RGS11: variants seen among roughly 807,000 people sequenced by gnomAD.
The protein encoded by RGS11 is regulator of G-protein signaling 11.
In RGS11, 86 loss-of-function variants were observed where a neutral mutation model predicts 71.1. The ratio of observed to expected loss-of-function variants is 1.21; its 90% confidence interval spans 1.02 to 1.45. RGS11 has a LOEUF of 1.45. RGS11 is among the 40% of genes most tolerant of loss of function. The probability of loss-of-function intolerance (pLI) is 0.00; values close to 1 mark genes in which losing one functional copy is unlikely to be tolerated. For missense variants in RGS11, 734 were observed against 635.1 expected (o/e 1.16, Z -1.67); for synonymous variants, 298 against 254.2 (o/e 1.17, Z -1.64).
At chr16:275,797 G>T (rs2052155731) in intron 1 of RGS11, 52 bp downstream of exon 1, 2 of 695,104 alleles carry the variant, frequency 2.9e-6, no homozygotes, top group East Asian at 5.3e-5. Context: ...GCCCCTCCCG[G>T]CCTCGGGCGC....
At chr16:272,818 G>A (rs534406252) in intron 9 of RGS11, 45 bp downstream of exon 9, 55 of 1,538,074 alleles carry the variant, frequency 3.6e-5, no homozygotes, top group East Asian at 2.9e-4. Context: ...GGGTGCAGCC[G>A]GTGTGCAGGG....
Position 271,259 on chromosome 16 carries a change from A to C in RGS11, c.806T>G (p.Leu269Arg). 6 of 1,612,948 alleles carry C rather than the reference A, an allele frequency of 3.7e-6. No individual in the cohort carries two copies. Among genetic ancestry groups the C allele is most frequent in the Non-Finnish European group, 5.1e-6 (6 of 1,179,984 alleles). Residue 269 changes from leucine (L) to arginine (R), a missense_variant, in exon 12 of 17, where the codon CTG becomes CGG. Physicochemically the swap from Leu to Arg is moderately radical, Grantham distance 102 (BLOSUM62 -2). Transcript: ENST00000397770. Reference sequence around the variant, plus strand: ...GTCTGAGATCCAGGGATTGCTGGGCAGGCACCCCGACACGAGGGGATCGTG... The same window carrying C: ...GTCTGAGATCCAGGGATTGCTGGGCCGGCACCCCGACACGAGGGGATCGTG... ...GPHDPLVSGC[L>R]PSNPWISDND...
chr16:275,354 TG>T, intron 2 of RGS11, 21 bp from the exon 3 acceptor site: 1 of 1,610,968 alleles, frequency 6.2e-7, no homozygotes, highest in Non-Finnish European at 8.5e-7. Flanking sequence ...GAGACAGAGG[TG>T]GAGGGAGGCC....
chr16:270,693 G>A, intron 14 of RGS11, 32 bp from the exon 15 acceptor site: 1 of 1,609,414 alleles, frequency 6.2e-7, no homozygotes, highest in Non-Finnish European at 8.5e-7. Flanking sequence ...GGTAGTCTCG[G>A]CTGGGTGCAC....
rs549618421 is a variant in RGS11, at chr16:274,303, C to CGTCT, written c.319-42_319-39dup. 1,259 of 1,587,032 alleles carry CGTCT rather than the reference C, an allele frequency of 7.9e-4. 16 individuals carry two copies. In the South Asian group the frequency reaches 0.012, roughly 16 times the overall value. ...AGGGAGAAGGTGTCCAGGACGCCTG[C>CGTCT]GTCTGTGCCTCCCCAGTGTCACCCC... On this transcript the variant is annotated intron_variant, in intron 4 of 16. Coordinates refer to ENST00000397770, the MANE Select transcript of RGS11 (RefSeq NM_183337.3).
In RGS11 at chr16:274,294, G is replaced by A. The variant is rs984401523; in HGVS notation, c.319-29C>T. On this transcript the variant is annotated intron_variant, in intron 4 of 16. Transcript: ENST00000397770. ...GCGTGGTGCAGGGAGAAGGTGTCCA[G>A]GACGCCTGCGTCTGTGCCTCCCCAG... 4.4e-6 allele frequency: 7 copies of A among 1,597,644 alleles called. No individual in the cohort carries two copies. The African/African-American group carries it at 8.1e-5, about 18-fold the overall frequency.
At position 273,572 on chromosome 16, in the gene RGS11, C is replaced by G. The variant is rs372008408; in HGVS notation, c.507-16G>C. On this transcript the variant is annotated splice_polypyrimidine_tract_variant and intron_variant, in intron 7 of 16. Coordinates refer to ENST00000397770, the MANE Select transcript of RGS11 (RefSeq NM_183337.3). ...CTTGGCTGCCCTGGGAGGAGGAGGC[C>G]GAGTTGAGGGCACGCCCTGCACACA... The G allele has an allele frequency of 6.4e-7, 1 of 1,556,758 alleles. No homozygotes were observed.
intron 6 of RGS11, 63 bp from the exon 7 acceptor site, chr16:273,899 C>T (rs751858139): frequency 2.6e-6 from 4 of 1,532,290 alleles, no homozygotes; most frequent in East Asian, 2.2e-5. Context: ...ACTGTGTGGG[C>T]AGTTGGGGGG....
At chr16:273,914 GGACT>G in intron 6 of RGS11, 78 bp from the exon 7 acceptor site, 1 of 1,502,768 alleles carries the variant, frequency 6.7e-7, no homozygotes, top group Non-Finnish European at 9.3e-7. Flanking sequence ...GGGGGGTTGG[GGACT>G]GTCTTGGGTT....
intron 3 of RGS11, 98 bp from the exon 4 acceptor site, chr16:275,180 A>G: frequency 6.3e-7 from 1 of 1,592,994 alleles, no homozygotes; most frequent in Non-Finnish European, 8.5e-7. Flanking sequence ...ACCCTTGCAC[A>G]GCGCGCTCAG....
At chr16:269,815 G>T in intron 15 of RGS11, 1 of 529,266 alleles carries the variant, frequency 1.9e-6, no homozygotes. Flanking sequence ...AAGAGCCCTG[G>T]TGGCCACGTG....
intron 1 of RGS11, 21 bp from the exon 2 acceptor site, chr16:275,519 G>T: frequency 6.6e-7 from 1 of 1,525,528 alleles, no homozygotes; most frequent in African/African-American, 1.4e-5. Flanking sequence ...GGAGTCGTCA[G>T]GGGGTGTCTG....
rs1342325675 is a variant in RGS11, at chr16:270,535, C to T, written c.1194G>A (p.Met398Ile). Reference protein sequence around the residue: ...VLDDAQLHIYMLMKKDSYPRF... With the variant: ...VLDDAQLHIYILMKKDSYPRF... ...GCCCAGCACCCACCTTCTTCATGAG[C>T]ATGTATATGTGCAGCTGGGCGTCAT... The change falls in exon 15 of 17, where the codon ATG becomes ATA. Residue 398 changes from methionine to isoleucine, a missense_variant. Physicochemically the swap from Met to Ile is conservative, Grantham distance 10. Transcript: ENST00000397770. 1 of 1,607,170 alleles carries T rather than the reference C, an allele frequency of 6.2e-7. No individual in the cohort carries two copies. The highest frequency in any genetic ancestry group is 1.3e-5 in the African/African-American group (1 of 74,860).
In RGS11 at chr16:269,291, C is replaced by T. The variant is rs775263272; in HGVS notation, c.1382G>A (p.Gly461Glu). 6.3e-6 allele frequency: 10 copies of T among 1,579,610 alleles called. No homozygotes were observed. In the African/African-American group the frequency reaches 8.0e-5, roughly 13 times the overall value. Residue 461 changes from glycine (G) to glutamate (E), a missense_variant, in exon 17 of 17, where the codon GGG becomes GAG. Gly to Glu is a moderately conservative substitution (Grantham distance 98). Transcript: ENST00000397770. Reference protein sequence around the residue: ...PVEPTAACGPGGGDGVA With the variant: ...PVEPTAACGPEGGDGVA ...CCACTAGGCCACCCCATCTCCACCCCCAGGGCCACAAGCCGCTGTGGGCTC... is the reference window on the plus strand; with the variant it reads ...CCACTAGGCCACCCCATCTCCACCCTCAGGGCCACAAGCCGCTGTGGGCTC...
In RGS11 at chr16:274,968, A is replaced by T. The variant is rs375549727; in HGVS notation, c.318+8T>A. 14 of 1,542,308 alleles carry T rather than the reference A, an allele frequency of 9.1e-6. No homozygotes were observed. The highest frequency in any genetic ancestry group is 1.1e-5 in the Non-Finnish European group (13 of 1,142,514). On this transcript the variant is annotated splice_region_variant and intron_variant, in intron 4 of 16. Coordinates refer to ENST00000397770, the MANE Select transcript of RGS11 (RefSeq NM_183337.3). Reference sequence around the variant, plus strand: ...CCACCGGCTCCCACCTGCACCCCCGAGCCTGACCTGGAACCTGTAGGGCGT... The same window carrying T: ...CCACCGGCTCCCACCTGCACCCCCGTGCCTGACCTGGAACCTGTAGGGCGT...
At chr16:272,128 G>A (rs1273670244) in intron 9 of RGS11, 16 of 1,131,720 alleles carry the variant, frequency 1.4e-5, no homozygotes, top group African/African-American at 9.8e-5. Context: ...GAGCCACCGC[G>A]CCCGGCCTAA....
rs3743878 is a variant in RGS11 at position 268,414 on chromosome 16, C to T, written c.*855G>A. ...GGTGGGGATGGCACCGCCCTACCGC[C>T]GAGAGAGTTGAAGCTGCACCCCCGA... is the stretch of plus-strand genomic sequence containing the variant. On this transcript the variant is annotated 3_prime_UTR_variant, in exon 17 of 17. Transcript: ENST00000397770. The T allele has an allele frequency of 7.5e-3, 2,519 of 337,542 alleles. 101 individuals carry two copies. The East Asian group carries it at 0.11, about 15-fold the overall frequency. The allele number at this position is 337,542 out of a possible 1,614,324, so 20.9% of individuals were successfully genotyped here. A position where few individuals can be genotyped will look rare whatever the true frequency, so the allele number is the denominator to read the frequency against.
intron 3 of RGS11, 51 bp downstream of exon 3, chr16:275,232 T>C (rs779661011): frequency 1.2e-5 from 20 of 1,610,052 alleles, no homozygotes; most frequent in Admixed American, 3.3e-5. Flanking sequence ...AACCCAGGCC[T>C]AGGCCACCAG....
Position 274,500 on chromosome 16 carries a change from C to G in RGS11, c.319-235G>C, listed in dbSNP as rs1400138466. On this transcript the variant is annotated intron_variant, in intron 4 of 16. Transcript: ENST00000397770. ...CAGACACTGCCTCCCTCACTGGTCA[C>G]CCTAAGCCCCCATTCAAGGCGGGGT... 4 of 607,512 alleles carry G rather than the reference C, an allele frequency of 6.6e-6. No homozygotes were observed. The East Asian group carries it at 1.1e-4, about 17-fold the overall frequency. 37.6% of individuals were successfully genotyped at this position (607,512 alleles called of 1,614,324 possible).
Sources: allele counts gnomAD v4.1 joint callset, GRCh38; gene constraint gnomAD v4.1.1; transcripts MANE v1.5; gene names NCBI Gene and HGNC (gene_info 2026-07-23, HGNC 2026-07-21).